The following ZNF385D variants were observed in gnomAD, a reference collection of about 807,000 sequenced individuals.
The protein encoded by ZNF385D is zinc finger protein 659.
Under a neutral mutation model 35.8 loss-of-function variants are expected in ZNF385D, and 15 were observed. The ratio of observed to expected loss-of-function variants is 0.42; its 90% CI spans 0.28 to 0.64. The LOEUF (loss-of-function observed/expected upper bound fraction) is 0.64. Ranked by LOEUF, ZNF385D falls within the 30% of genes least tolerant of loss-of-function variation. ZNF385D has a pLI of 0.23. For synonymous variants in ZNF385D, 212 were observed against 186.8 expected (o/e 1.13, Z -1.10); for missense variants, 474 against 494.6 (o/e 0.96, Z 0.39).
intron 2 of ZNF385D, among the ~76,000 whole-genome samples, chr3:22,229,346 T>C (rs1698746353): frequency 6.6e-6 from 1 of 152,182 alleles, no homozygotes. Flanking sequence ...CATTGTTCTG[T>C]GACCCCAACT....
intron 1 of ZNF385D, among the ~76,000 whole-genome samples, chr3:21,724,395 C>G (rs1559554347): frequency 7.0e-6 from 1 of 143,796 alleles, no homozygotes; most frequent in Non-Finnish European, 1.5e-5. Flanking sequence ...GTGCTGTATT[C>G]AGGAGACCCA....
Position 21,623,664 on chromosome 3 carries a change from A to C in ZNF385D, c.165+41222T>G, listed in dbSNP as rs80273665. ...AACAGAGAAAGACCCTGTGTCTTAA[A>C]ACAAAAACAAAAAAACAAAAAACCA... On this transcript the variant is annotated intron_variant, in intron 2 of 7. Coordinates refer to ENST00000281523, the MANE Select transcript of ZNF385D (RefSeq NM_024697.3). Among the ~76,000 whole-genome samples, 936 of 152,036 alleles carry C rather than the reference A, an allele frequency of 6.2e-3. 9 individuals carry two copies. Among genetic ancestry groups the C allele is most frequent in the African/African-American group, 0.021 (854 of 41,398 alleles).
chr3:21,499,000 G>A (rs1232934734), intron 4 of ZNF385D, among the ~76,000 whole-genome samples: 2 of 150,128 alleles, frequency 1.3e-5, no homozygotes, highest in Non-Finnish European at 3.0e-5. Flanking sequence ...TGGCAAGGTT[G>A]TGGAGAAAAA....
intron 3 of ZNF385D, among the ~76,000 whole-genome samples, chr3:22,122,206 A>G (rs1312300984): frequency 6.6e-6 from 1 of 152,122 alleles, no homozygotes; most frequent in Non-Finnish European, 1.5e-5. Flanking sequence ...GTTTTAGTTA[A>G]TAAGTTTACC....
At chr3:22,202,666 T>G (rs1696878332) in intron 2 of ZNF385D, among the ~76,000 whole-genome samples, 1 of 152,126 alleles carries the variant, frequency 6.6e-6, no homozygotes, top group Admixed American at 6.6e-5. Context: ...GGAAAGGCAG[T>G]GTGGAATTGC....
At chr3:21,817,650 G>A (rs923523225) in intron 3 of ZNF385D, among the ~76,000 whole-genome samples, 2 of 152,148 alleles carry the variant, frequency 1.3e-5, no homozygotes, top group African/African-American at 4.8e-5. Flanking sequence ...AGTTAGAATG[G>A]AGATCATTAA....
chr3:21,973,971 A>G (rs1703436419), intron 3 of ZNF385D, among the ~76,000 whole-genome samples: 2 of 152,110 alleles, frequency 1.3e-5, no homozygotes, highest in South Asian at 4.1e-4. Flanking sequence ...GGTAGAATAT[A>G]TATTTTTAAA....
intron 3 of ZNF385D, among the ~76,000 whole-genome samples, chr3:21,764,380 T>G (rs1038638371): frequency 6.6e-6 from 1 of 152,162 alleles, no homozygotes; most frequent in Non-Finnish European, 1.5e-5. Context: ...CTCATAGTTA[T>G]GGATTCAAAA....
chr3:22,119,305 C>T (rs1702966188), intron 3 of ZNF385D, among the ~76,000 whole-genome samples: 1 of 152,124 alleles, frequency 6.6e-6, no homozygotes, highest in Non-Finnish European at 1.5e-5. Flanking sequence ...AATAAAAATA[C>T]AAGGCATTGA....
intron 3 of ZNF385D, among the ~76,000 whole-genome samples, chr3:21,516,832 T>A (rs1025738977): frequency 1.3e-4 from 20 of 152,014 alleles, no homozygotes; most frequent in Admixed American, 5.9e-4. Context: ...GATAGAGGAA[T>A]GATTTTTTTC....
At position 21,420,022 on chromosome 3, in the gene ZNF385D, G is replaced by C. The variant is rs1301992506; in HGVS notation, c.*1192C>G. 1 of 151,842 alleles carries C rather than the reference G, an allele frequency of 6.6e-6. No individual in the cohort carries two copies. Among genetic ancestry groups the C allele is most frequent in the East Asian group, 1.9e-4 (1 of 5,166 alleles). 9.4% of individuals were successfully genotyped at this position (151,842 alleles called of 1,614,324 possible). On this transcript the variant is annotated 3_prime_UTR_variant, in exon 8 of 8. Transcript: ENST00000281523. ...CAGTATTTTTTAACACTATGTCATT[G>C]GTGTGCAATTAACTCAGATTCATAT... is the stretch of plus-strand genomic sequence containing the variant.
At chr3:21,805,923 C>T (rs937852018) in intron 3 of ZNF385D, among the ~76,000 whole-genome samples, 1 of 152,164 alleles carries the variant, frequency 6.6e-6, no homozygotes, top group Non-Finnish European at 1.5e-5. Context: ...TACTTACCTG[C>T]AATAGACTAC....
chr3:21,482,543 C>T (rs163474), intron 4 of ZNF385D, among the ~76,000 whole-genome samples: 50,283 of 152,014 alleles, frequency 0.33, 8,641 homozygotes, highest in Middle Eastern at 0.38. Context: ...ATAACACAAA[C>T]CCAAGAAACC....
chr3:22,180,743 T>C (rs1271126407), intron 2 of ZNF385D, among the ~76,000 whole-genome samples: 2 of 152,086 alleles, frequency 1.3e-5, no homozygotes, highest in African/African-American at 4.8e-5. Context: ...CAACGCTTCA[T>C]GCTAAAAACT....
In ZNF385D at chr3:21,447,290, C is replaced by T. The variant is rs147977700; in HGVS notation, c.440-10087G>A. Among the ~76,000 whole-genome samples, 115 of 152,218 alleles carry T rather than the reference C, an allele frequency of 7.6e-4. 1 individual carries two copies. The highest frequency in any genetic ancestry group is 3.4e-3 in the Middle Eastern group (1 of 294). On this transcript the variant is annotated intron_variant, in intron 4 of 7. Coordinates refer to ENST00000281523, the MANE Select transcript of ZNF385D (RefSeq NM_024697.3). Reference sequence around the variant, plus strand: ...GGCATTTTAAATGATTTGGATGCCACTAGATTAGGAAACTGCCTTTTCATG... The same window carrying T: ...GGCATTTTAAATGATTTGGATGCCATTAGATTAGGAAACTGCCTTTTCATG...
chr3:22,107,801 G>C (rs569785701), intron 3 of ZNF385D, among the ~76,000 whole-genome samples: 45 of 152,000 alleles, frequency 3.0e-4, no homozygotes, highest in African/African-American at 1.0e-3. Flanking sequence ...GGTATTAATA[G>C]TGCTTGTTTA....
Position 21,647,301 on chromosome 3 carries a change from CAGTG to C in ZNF385D, c.165+17581_165+17584del, listed in dbSNP as rs1225008787. ...TTGGCAAAATATTCAAATATGGCAG[CAGTG>C]AATTAATTAATCCATCCTTCCTTCC... On this transcript the variant is annotated intron_variant, in intron 2 of 7. Transcript: ENST00000281523. Among the ~76,000 whole-genome samples the C allele has an allele frequency of 1.3e-3, 200 of 149,306 alleles. 1 individual carries two copies. The highest frequency in any genetic ancestry group is 4.8e-3 in the African/African-American group (195 of 40,828).
In ZNF385D at chr3:21,984,840, C is replaced by A. The variant is rs369537381; in HGVS notation, c.325+183977G>T. 1.6e-3 allele frequency among the ~76,000 whole-genome samples: 201 copies of A among 126,350 alleles called. 1 individual carries two copies. Among genetic ancestry groups the A allele is most frequent in the Non-Finnish European group, 2.6e-3 (150 of 57,080 alleles). 82.9% of individuals were successfully genotyped at this position (126,350 alleles called of 152,430 possible). On this transcript the variant is annotated intron_variant, in intron 3 of 5. Coordinates refer to the ZNF385D transcript ENST00000494108. ...ATTTGTTTGTATCCTCTTTTATTTC[C>A]TTGAGCAGTGGTTTGTAGTTCTCCT... is the stretch of plus-strand genomic sequence containing the variant.
intron 2 of ZNF385D, among the ~76,000 whole-genome samples, chr3:21,657,127 G>A (rs893837889): frequency 4.6e-5 from 7 of 151,672 alleles, no homozygotes; most frequent in South Asian, 2.1e-4. Flanking sequence ...ATTAACATAC[G>A]CATAAATCAA....
Sources: gnomAD v4.1 joint callset for allele counts (sites outside exome capture counted in the v4.1 genomes callset) on GRCh38, gnomAD v4.1.1 for gene constraint, MANE v1.5 for transcripts, NCBI Gene and HGNC (gene_info 2026-07-23, HGNC 2026-07-21) for gene names.